The following HAL variants were observed in gnomAD, a reference collection of about 807,000 sequenced individuals.
HAL encodes histidase.
A neutral mutation model predicts 81.1 loss-of-function variants in HAL; 85 were observed. The ratio of observed to expected loss-of-function variants is 1.05; its 90% CI spans 0.88 to 1.25. The LOEUF (loss-of-function observed/expected upper bound fraction) is 1.25. Ranked by LOEUF, HAL falls within the 50% of genes most tolerant of loss-of-function variation. HAL has a pLI of 0.00. For missense variants in HAL, 798 were observed against 836.6 expected (o/e 0.95, Z 0.57); for synonymous variants, 301 against 309.2 (o/e 0.97, Z 0.28).
chr12:95,992,949 C>G, intron 8 of HAL, 144 bp from the exon 9 acceptor site: 1 of 757,100 alleles, frequency 1.3e-6, no homozygotes, highest in Non-Finnish European at 2.3e-6. Context: ...TTGGACTACT[C>G]TCCCTCCTGC....
In HAL at chr12:95,988,182, A is replaced by G; in HGVS notation, c.903+11T>C. On this transcript the variant is annotated intron_variant, in intron 11 of 20. Coordinates refer to ENST00000261208, the MANE Select transcript of HAL (RefSeq NM_002108.4). The stretch of plus-strand genomic sequence containing the variant: ...ATGCACTATGAACATATTTTTCTTG[A>G]GTTTCCTTACCTCTTTTGGTTTTAA... 1.5e-6 allele frequency: 2 copies of G among 1,348,210 alleles called. No homozygotes were observed. The highest frequency in any genetic ancestry group is 2.1e-6 in the Non-Finnish European group (2 of 937,562). The allele number at this position is 1,348,210 out of a possible 1,614,324, so 83.5% of individuals were successfully genotyped here. A position where few individuals can be genotyped will look rare whatever the true frequency, so the allele number is the denominator to read the frequency against.
At position 95,995,940 on chromosome 12, in the gene HAL, G is replaced by C; in HGVS notation, c.-30C>G. Reference sequence around the variant, plus strand: ...CCGCTGCAGCCTGAGGTCCTCAGCTGGTCACAGGAGGGGAGAGCTTTATGC... The same window carrying C: ...CCGCTGCAGCCTGAGGTCCTCAGCTCGTCACAGGAGGGGAGAGCTTTATGC... On this transcript the variant is annotated 5_prime_UTR_variant, in exon 2 of 21. Coordinates refer to ENST00000261208, the MANE Select transcript of HAL (RefSeq NM_002108.4). The C allele has an allele frequency of 6.3e-7, 1 of 1,599,570 alleles. No individual in the cohort carries two copies. Among genetic ancestry groups the C allele is most frequent in the Non-Finnish European group, 8.5e-7 (1 of 1,179,482 alleles).
In HAL at chr12:95,987,854, G is replaced by C. The variant is rs187379137; in HGVS notation, c.903+339C>G. On this transcript the variant is annotated intron_variant, in intron 11 of 20. Transcript: ENST00000261208. ...CTCCAGGGTAGCTGGGATTACAAGT[G>C]TGCGCCACCATGCCTGGCTAATTTT... is the stretch of plus-strand genomic sequence containing the variant. Among the ~76,000 whole-genome samples, 381 of 149,700 alleles carry C rather than the reference G, an allele frequency of 2.5e-3. 3 individuals carry two copies. The highest frequency in any genetic ancestry group is 4.0e-3 in the Non-Finnish European group (268 of 67,688).
At position 95,985,964 on chromosome 12, in the gene HAL, T is replaced by A; in HGVS notation, c.1150A>T (p.Ser384Cys). Reference sequence around the variant, plus strand: ...TGGACGCGATCACAGAACCTGTGACTCTCTGTGGAAGAGGTGGAGGGGATG... The same window carrying A: ...TGGACGCGATCACAGAACCTGTGACACTCTGTGGAAGAGGTGGAGGGGATG... ...SDHHPSEIAE[S>C]HRFCDRVQDA... is the part of the protein sequence containing the mutation. The change falls in exon 14 of 21, where the codon AGT becomes TGT. Residue 384 changes from serine to cysteine, a missense_variant and splice_region_variant. Ser to Cys is a moderately radical substitution (Grantham distance 112). Transcript: ENST00000261208. The A allele has an allele frequency of 6.2e-7, 1 of 1,609,496 alleles. No individual in the cohort carries two copies. Among genetic ancestry groups the A allele is most frequent in the Non-Finnish European group, 8.5e-7 (1 of 1,175,872 alleles).
chr12:95,994,146 C>G lies in HAL; in HGVS notation c.355G>C (p.Asp119His). Residue 119 changes from aspartate (D) to histidine (H), a missense_variant, in exon 5 of 21, where the codon GAC becomes CAC. Asp to His is a moderately conservative substitution (Grantham distance 81). Coordinates refer to ENST00000261208, the MANE Select transcript of HAL (RefSeq NM_002108.4). ...ACCAGATCCTCCGTGGTCAGACGGT[C>G]TCCATCTAACTCGATGTACTACACA... The part of the protein sequence containing the change: ...EPEKYIELDG[D>H]RLTTEDLVNL... 1.9e-6 allele frequency: 3 copies of G among 1,612,340 alleles called. No individual in the cohort carries two copies. The highest frequency in any genetic ancestry group is 2.5e-6 in the Non-Finnish European group (3 of 1,178,340).
At position 95,996,340 on chromosome 12, in the gene HAL, T is replaced by C; in HGVS notation, c.-344A>G. On this transcript the variant is annotated 5_prime_UTR_variant, in exon 1 of 21. The change creates a new upstream start codon in the 5' untranslated region. Transcript: ENST00000261208. The stretch of plus-strand genomic sequence containing the variant: ...CTTATAAACACCATGTTCCTGTCTT[T>C]ATCTGAGATTACTCAACTGTAAAAC... The C allele has an allele frequency of 4.5e-6, 1 of 222,082 alleles. No homozygotes were observed. The highest frequency in any genetic ancestry group is 9.3e-6 in the Non-Finnish European group (1 of 107,822). 13.8% of individuals were successfully genotyped at this position (222,082 alleles called of 1,614,324 possible).
chr12:95,990,633 C>G, intron 9 of HAL, 101 bp from the exon 10 acceptor site: 1 of 905,386 alleles, frequency 1.1e-6, no homozygotes, highest in Non-Finnish European at 1.9e-6. Context: ...CACCCTGCCT[C>G]CAATATCTAT....
At chr12:95,977,492 A>G (rs2080735298) in intron 18 of HAL, among the ~76,000 whole-genome samples, 1 of 151,722 alleles carries the variant, frequency 6.6e-6, no homozygotes, top group African/African-American at 2.4e-5. Context: ...AAAATTTAAA[A>G]ATTACCCAGG....
In HAL at chr12:95,980,556, C is replaced by A. The variant is rs370280919; in HGVS notation, c.1519G>T (p.Val507Phe). ...MIAHCTAAAL[V>F]SENKALCHPS... ...TCTGGGAAAGGGGCAGTGTCCTTAC[C>A]AAGGGCTGCTGCCGTGCAGTGAGCT... is the stretch of plus-strand genomic sequence containing the variant. Residue 507 changes from valine (V) to phenylalanine (F), a missense_variant and splice_region_variant, in exon 17 of 21, where the codon GTT becomes TTT. Val to Phe is a conservative substitution (Grantham distance 50). Coordinates refer to ENST00000261208, the MANE Select transcript of HAL (RefSeq NM_002108.4). 8.7e-6 allele frequency: 14 copies of A among 1,612,916 alleles called. No homozygotes were observed. Among genetic ancestry groups the A allele is most frequent in the Admixed American group, 1.7e-5 (1 of 59,996 alleles).
At chr12:95,975,347 C>CTTTTTTTTTTTTTTTTTTTTTT (rs35532808) in intron 20 of HAL, among the ~76,000 whole-genome samples, 1 of 141,990 alleles carries the variant, frequency 7.0e-6, no homozygotes. Context: ...CCTCTTTTTT[C>CTTTTTTTTTTTTTTTTTTTTTT]TTTTTTTTTT....
rs189938038 is a variant in HAL at position 95,987,219 on chromosome 12, C to A, written c.904-5G>T. On this transcript the variant is annotated splice_region_variant and splice_polypyrimidine_tract_variant and intron_variant, in intron 11 of 20. Coordinates refer to ENST00000261208, the MANE Select transcript of HAL (RefSeq NM_002108.4). ...CCCATTGATGAGTGCCAGGCCCTGT[C>A]GGGGGAGAGAGCAAAGTTTCCTACT... 1.9e-6 allele frequency: 3 copies of A among 1,612,940 alleles called. No individual in the cohort carries two copies. Among genetic ancestry groups the A allele is most frequent in the Admixed American group, 1.7e-5 (1 of 60,010 alleles).
chr12:95,993,395 G>A (rs763563221), intron 8 of HAL, 56 bp downstream of exon 8: 3 of 1,077,542 alleles, frequency 2.8e-6, no homozygotes, highest in Admixed American at 3.4e-5. Flanking sequence ...ACACTGTGCT[G>A]TGCTTTATTC....
At chr12:95,986,271 G>A (rs1226009960) in intron 12 of HAL, 111 bp from the exon 13 acceptor site, 7 of 717,446 alleles carry the variant, frequency 9.8e-6, no homozygotes, top group East Asian at 8.2e-5. Context: ...GGGCTCTAGC[G>A]ATCCTCCTAC....
chr12:95,980,993 T>C lies in HAL; in HGVS notation c.1288-130A>G, dbSNP rs1327984090. 4 of 740,924 alleles carry C rather than the reference T, an allele frequency of 5.4e-6. No homozygotes were observed. In the African/African-American group the frequency reaches 7.0e-5, roughly 13 times the overall value. 45.9% of individuals were successfully genotyped at this position (740,924 alleles called of 1,614,324 possible). A position where few individuals can be genotyped will look rare whatever the true frequency, so the allele number is the denominator to read the frequency against. On this transcript the variant is annotated intron_variant, in intron 15 of 20. Coordinates refer to ENST00000261208, the MANE Select transcript of HAL (RefSeq NM_002108.4). ...TGTGGGGTGGAGGGAAAGAGACAAG[T>C]CTTCCTGCAAGAGATATAAAGGGGC...
At chr12:95,980,932 T>C (rs2080787199) in intron 15 of HAL, 69 bp from the exon 16 acceptor site, 1 of 929,694 alleles carries the variant, frequency 1.1e-6, no homozygotes. Flanking sequence ...CTTCCTGCCT[T>C]CTTTTTTAAC....
In HAL at chr12:95,973,506, G is replaced by A. The variant is rs899367678; in HGVS notation, c.*726C>T. 6.6e-6 allele frequency: 1 copy of A among 152,190 alleles called. No individual in the cohort carries two copies. The highest frequency in any genetic ancestry group is 1.5e-5 in the Non-Finnish European group (1 of 68,054). The allele number at this position is 152,190 out of a possible 1,614,324, so 9.4% of individuals were successfully genotyped here. ...GAAAATACTAACCTCAAACTCCCAT[G>A]TAAGCATTTGGGGGATACGTGTAGT... On this transcript the variant is annotated 3_prime_UTR_variant, in exon 21 of 21. Coordinates refer to ENST00000261208, the MANE Select transcript of HAL (RefSeq NM_002108.4).
intron 15 of HAL, among the ~76,000 whole-genome samples, chr12:95,982,589 C>A (rs2080807297): frequency 6.6e-6 from 1 of 152,134 alleles, no homozygotes; most frequent in African/African-American, 2.4e-5. Context: ...AATGGAGAGA[C>A]CCACAATTTC....
intron 15 of HAL, among the ~76,000 whole-genome samples, chr12:95,982,510 G>A (rs1327318608): frequency 3.3e-5 from 5 of 152,246 alleles, no homozygotes; most frequent in African/African-American, 7.2e-5. Context: ...AGACTGGTAC[G>A]TGAGATAAGA....
At position 95,987,141 on chromosome 12, in the gene HAL, A is replaced by G. The variant is rs1949899772; in HGVS notation, c.977T>C (p.Ile326Thr). Residue 326 changes from isoleucine (I) to threonine (T), a missense_variant, in exon 12 of 21, where the codon ATT (isoleucine) becomes ACT (threonine). Transcript: ENST00000261208. The stretch of plus-strand genomic sequence containing the variant: ...TGCCACAATGTCAGCCTGCCGTGCA[A>G]TAGCACTGGCTCGCTCTACAGCTTC... ...GCEAVERASA[I>T]ARQADIVAAL... The G allele has an allele frequency of 6.2e-7, 1 of 1,613,144 alleles. No homozygotes were observed. The highest frequency in any genetic ancestry group is 1.1e-5 in the South Asian group (1 of 91,078).
Sources: allele counts gnomAD v4.1 joint callset (sites outside exome capture counted in the v4.1 genomes callset), GRCh38; gene constraint gnomAD v4.1.1; transcripts MANE v1.5; gene names NCBI Gene and HGNC (gene_info 2026-07-23, HGNC 2026-07-21).